Variants in ADAMTSL1 observed in about 807,000 individuals in gnomAD.
ADAMTSL1 encodes the protein ADAMTS-like protein 1.
Under a neutral mutation model 201.8 loss-of-function variants are expected in ADAMTSL1, and 126 were observed. The observed-to-expected ratio is 0.62, with a 90% confidence interval of 0.54 to 0.72. The LOEUF (loss-of-function observed/expected upper bound fraction) is 0.72. Among genes scored for constraint, ADAMTSL1 ranks in the 30% least tolerant of loss-of-function variants. The pLI is 0.00. For missense variants in ADAMTSL1, 2,679 were observed against 2,277.8 expected (o/e 1.18, Z -3.59); for synonymous variants, 1,121 against 903.4 (o/e 1.24, Z -4.32).
intron 18 of ADAMTSL1, among the ~76,000 whole-genome samples, chr9:18,776,579 G>A (rs1429852856): frequency 2.0e-5 from 3 of 152,196 alleles, no homozygotes; most frequent in South Asian, 4.2e-4. Context: ...AGGTCCTCCC[G>A]AAAAACACAG....
chr9:18,157,492 A>G (rs748134218), intron 1 of ADAMTSL1, among the ~76,000 whole-genome samples: 2 of 151,954 alleles, frequency 1.3e-5, no homozygotes, highest in African/African-American at 2.4e-5. Context: ...ATTCAGCTAC[A>G]TCTGGTCACC....
intron 2 of ADAMTSL1, among the ~76,000 whole-genome samples, chr9:18,265,727 A>G (rs1489625973): frequency 6.6e-6 from 1 of 152,244 alleles, no homozygotes; most frequent in Non-Finnish European, 1.5e-5. Context: ...GTCTTTTAAA[A>G]TAATCTTAAA....
chr9:18,022,382 A>G (rs1346941900), intron 1 of ADAMTSL1, among the ~76,000 whole-genome samples: 1 of 152,112 alleles, frequency 6.6e-6, no homozygotes, highest in African/African-American at 2.4e-5. Flanking sequence ...ATGCTCGGTT[A>G]TTTAAGGGTG....
intron 2 of ADAMTSL1, among the ~76,000 whole-genome samples, chr9:18,262,835 G>C (rs930542068): frequency 3.9e-5 from 6 of 152,328 alleles, no homozygotes; most frequent in Admixed American, 2.0e-4. Flanking sequence ...TGACAACAGA[G>C]AAAGTACTTT....
At chr9:18,602,366 C>A (rs1000857378) in intron 4 of ADAMTSL1, among the ~76,000 whole-genome samples, 2 of 152,300 alleles carry the variant, frequency 1.3e-5, no homozygotes, top group South Asian at 4.1e-4. Flanking sequence ...AAAAGTTCAC[C>A]AGGGTTCAAA....
At chr9:18,213,431 C>T (rs544228888) in intron 2 of ADAMTSL1, among the ~76,000 whole-genome samples, 1 of 152,154 alleles carries the variant, frequency 6.6e-6, no homozygotes, top group Non-Finnish European at 1.5e-5. Context: ...TCCCAGCGCC[C>T]TCTAGTGTTG....
Position 18,795,415 on chromosome 9 carries a change from T to C in ADAMTSL1, c.3696T>C (p.Asp1232=), listed in dbSNP as rs573346146. 4 of 1,613,932 alleles carry C rather than the reference T, an allele frequency of 2.5e-6. No homozygotes were observed. Among genetic ancestry groups the C allele is most frequent in the African/African-American group, 1.3e-5 (1 of 75,050 alleles). ...QFSDRILLQP[D]DSLQILAPVE... The stretch of plus-strand genomic sequence containing the variant: ...GCTCCAGGATTCTTCTACAGCCAGA[T>C]GATTCCTTACAGATCTTGGCACCAG... Residue 1232 remains aspartate (D), a synonymous_variant, in exon 20 of 29, where the codon GAT becomes GAC. Coordinates refer to ENST00000380548, the MANE Select transcript of ADAMTSL1 (RefSeq NM_001040272.6).
At chr9:18,359,823 A>ACCCCCCCCCCC (rs1563911432) in intron 2 of ADAMTSL1, among the ~76,000 whole-genome samples, 4 of 42,196 alleles carry the variant, frequency 9.5e-5, no homozygotes, top group East Asian at 1.1e-3. Flanking sequence ...CCACCTCCCC[A>ACCCCCCCCCCC]CCCGCCCCCC....
intron 1 of ADAMTSL1, among the ~76,000 whole-genome samples, chr9:18,498,861 C>T (rs1482768767): frequency 6.6e-6 from 1 of 152,214 alleles, no homozygotes; most frequent in Non-Finnish European, 1.5e-5. Flanking sequence ...TAAATACGAT[C>T]ATTTGTCTAA....
intron 1 of ADAMTSL1, among the ~76,000 whole-genome samples, chr9:17,974,818 T>G (rs1490431321): frequency 6.6e-6 from 1 of 152,110 alleles, no homozygotes; most frequent in African/African-American, 2.4e-5. Context: ...TTGGCTATTA[T>G]GAATAATGCT....
intron 2 of ADAMTSL1, among the ~76,000 whole-genome samples, chr9:18,291,454 A>T (rs186401319): frequency 6.6e-6 from 1 of 152,246 alleles, no homozygotes; most frequent in Non-Finnish European, 1.5e-5. Flanking sequence ...GGTGCTGAAG[A>T]TATAGCAGCA....
At chr9:18,014,522 AAG>A (rs1169999442) in intron 1 of ADAMTSL1, among the ~76,000 whole-genome samples, 1 of 152,258 alleles carries the variant, frequency 6.6e-6, no homozygotes, top group African/African-American at 2.4e-5. Context: ...GGAATTCACT[AAG>A]AGTATACACC....
intron 1 of ADAMTSL1, among the ~76,000 whole-genome samples, chr9:18,133,334 C>A (rs1826025968): frequency 6.6e-6 from 1 of 152,110 alleles, no homozygotes; most frequent in East Asian, 1.9e-4. Flanking sequence ...CTCCAGATTG[C>A]CAGTCCCAGC....
chr9:18,042,782 G>T (rs778296653), intron 1 of ADAMTSL1, among the ~76,000 whole-genome samples: 1 of 152,092 alleles, frequency 6.6e-6, no homozygotes, highest in East Asian at 1.9e-4. Context: ...TGCCAAGAAG[G>T]TATACTCAAA....
intron 7 of ADAMTSL1, among the ~76,000 whole-genome samples, chr9:18,642,332 TTCA>T (rs1827502827): frequency 1.3e-5 from 2 of 152,150 alleles, no homozygotes; most frequent in South Asian, 2.1e-4. Flanking sequence ...AAAAACTAGA[TTCA>T]TCATATACAA....
intron 2 of ADAMTSL1, among the ~76,000 whole-genome samples, chr9:18,427,520 A>G (rs192099238): frequency 7.9e-5 from 12 of 152,368 alleles, no homozygotes; most frequent in African/African-American, 2.9e-4. Context: ...TGGCAAAAGG[A>G]AAGAGAAATT....
intron 1 of ADAMTSL1, among the ~76,000 whole-genome samples, chr9:17,947,843 C>G (rs1378290405): frequency 6.6e-6 from 1 of 152,096 alleles, no homozygotes; most frequent in Non-Finnish European, 1.5e-5. Context: ...AACAACTATT[C>G]TACCTGAACG....
At chr9:18,453,816 C>G (rs1371138273) in intron 2 of ADAMTSL1, among the ~76,000 whole-genome samples, 1 of 152,138 alleles carries the variant, frequency 6.6e-6, no homozygotes, top group Non-Finnish European at 1.5e-5. Flanking sequence ...CATGAACTAT[C>G]AGTGCTCTCT....
chr9:18,433,194 A>G (rs1046787349), intron 2 of ADAMTSL1, among the ~76,000 whole-genome samples: 2 of 152,030 alleles, frequency 1.3e-5, no homozygotes, highest in African/African-American at 2.4e-5. Context: ...AAACATAAAA[A>G]CTTCATTTGT....
Sources: gnomAD v4.1 joint callset for allele counts (sites outside exome capture counted in the v4.1 genomes callset) on GRCh38, gnomAD v4.1.1 for gene constraint, MANE v1.5 for transcripts, NCBI Gene and HGNC (gene_info 2026-07-23, HGNC 2026-07-21) for gene names.